ADGRD1: variants seen among roughly 807,000 people sequenced by gnomAD.
The protein encoded by ADGRD1 is adhesion G protein-coupled receptor D1.
ADGRD1 carries 77 observed loss-of-function variants against 113.4 expected under a neutral mutation model. The ratio of observed to expected loss-of-function variants is 0.68; its 90% confidence interval spans 0.57 to 0.82. The LOEUF (loss-of-function observed/expected upper bound fraction) is 0.82, where lower values mean the gene tolerates loss of function less well. ADGRD1 is among the 40% of genes least tolerant of loss of function. The pLI, the probability that ADGRD1 is intolerant of heterozygous loss-of-function variation, is 0.00. For missense variants in ADGRD1, 1,036 were observed against 1,139.1 expected (o/e 0.91, Z 1.30); for synonymous variants, 474 against 475.0 (o/e 1.00, Z 0.03).
chr12:131,090,032 G>A (rs2137245807), intron 15 of ADGRD1, among the ~76,000 whole-genome samples: 1 of 152,326 alleles, frequency 6.6e-6, no homozygotes, highest in East Asian at 1.9e-4. Flanking sequence ...TTGTGGTAGA[G>A]GAAGGAAGGG....
At chr12:131,039,287 T>C (rs10773838) in intron 13 of ADGRD1, among the ~76,000 whole-genome samples, 82,081 of 152,016 alleles carry the variant, frequency 0.54, 23,025 homozygotes, top group Non-Finnish European at 0.61. Flanking sequence ...TCCTGGCCCC[T>C]GCAGGCTCCA....
intron 12 of ADGRD1, among the ~76,000 whole-genome samples, chr12:131,011,752 C>G (rs1877924853): frequency 6.6e-6 from 1 of 152,224 alleles, no homozygotes; most frequent in African/African-American, 2.4e-5. Context: ...CGTGGTTTTT[C>G]CAGCGCGTTT....
chr12:131,046,344 C>T (rs2137014836), intron 13 of ADGRD1, among the ~76,000 whole-genome samples: 1 of 142,398 alleles, frequency 7.0e-6, no homozygotes, highest in African/African-American at 2.8e-5. Flanking sequence ...GTGCTCCCTC[C>T]CTGGTCAGTG....
intron 7 of ADGRD1, 54 bp from the exon 8 acceptor site, chr12:130,992,179 CTGTA>C: frequency 1.5e-6 from 2 of 1,315,086 alleles, no homozygotes; most frequent in Non-Finnish European, 2.1e-6. Context: ...CATTAAACTT[CTGTA>C]TAATATTTTG....
rs1279804070 is a variant in ADGRD1, at chr12:130,971,839, G to GA, written c.310+267dup. On this transcript the variant is annotated intron_variant, in intron 4 of 24. Transcript: ENST00000261654. This position sits in a 1 kb window ranked among gnomAD's most constrained non-coding sequence, Gnocchi z 4.2. ...CAAAATACTTAATCTTGTAAAGGAT[G>GA]AAAAAAAACCTTCCTAAAAAACAGA... Among the ~76,000 whole-genome samples, 3 of 151,970 alleles carry GA rather than the reference G, an allele frequency of 2.0e-5. No homozygotes were observed. Among genetic ancestry groups the GA allele is most frequent in the Admixed American group, 1.3e-4 (2 of 15,236 alleles).
chr12:130,967,776 C>T (rs1233630368), intron 3 of ADGRD1: 1 of 152,304 alleles, frequency 6.6e-6, no homozygotes, highest in East Asian at 1.9e-4. Flanking sequence ...GCGTGGGTGC[C>T]ACGCGCTCCC....
chr12:131,001,785 C>T (rs758647806), intron 9 of ADGRD1, among the ~76,000 whole-genome samples: 15 of 152,164 alleles, frequency 9.9e-5, no homozygotes, highest in Non-Finnish European at 2.2e-4. Flanking sequence ...GAGGAGGACT[C>T]TTAACTGCCT....
Position 130,971,499 on chromosome 12 carries a change from G to A in ADGRD1, c.229G>A (p.Glu77Lys), listed in dbSNP as rs1206978275. The A allele has an allele frequency of 1.2e-6, 2 of 1,613,676 alleles. No homozygotes were observed. The highest frequency in any genetic ancestry group is 1.7e-5 in the Admixed American group (1 of 59,976). Residue 77 changes from glutamate (E) to lysine (K), a missense_variant, in exon 4 of 25, where the codon GAG becomes AAG. Coordinates refer to ENST00000261654, the MANE Select transcript of ADGRD1 (RefSeq NM_198827.5). The surrounding 1 kb of genome is among the most constrained non-coding windows in gnomAD (Gnocchi z 4.2). ...GKVNKGIYLKEEKGVTLLYYG... is the reference protein window; with the variant it reads ...GKVNKGIYLKKEKGVTLLYYG... ...GGTCAACAAAGGCATTTACCTGAAA[G>A]AGGAAAAGGGAGTCACGCTTCTCTA... is the stretch of plus-strand genomic sequence containing the variant.
chr12:130,998,565 A>G (rs1211294798), intron 8 of ADGRD1, among the ~76,000 whole-genome samples: 2 of 151,956 alleles, frequency 1.3e-5, no homozygotes, highest in Non-Finnish European at 2.9e-5. Flanking sequence ...TCTGAGTTCA[A>G]GCGATTCTCC....
chr12:130,957,969 C>T (rs1283557220), intron 2 of ADGRD1: 8 of 152,316 alleles, frequency 5.3e-5, no homozygotes, highest in Admixed American at 3.9e-4. Flanking sequence ...TTCCTCCTTC[C>T]TTCCTTTTTA....
chr12:130,966,078 T>C lies in ADGRD1; in HGVS notation c.104-385T>C, dbSNP rs1422897490. 6.6e-6 allele frequency among the ~76,000 whole-genome samples: 1 copy of C among 152,242 alleles called. No individual in the cohort carries two copies. Among genetic ancestry groups the C allele is most frequent in the African/African-American group, 2.4e-5 (1 of 41,462 alleles). On this transcript the variant is annotated intron_variant, in intron 2 of 24. Coordinates refer to ENST00000261654, the MANE Select transcript of ADGRD1 (RefSeq NM_198827.5). The surrounding 1 kb of genome is among the most constrained non-coding windows in gnomAD (Gnocchi z 4.6). ...ATGATTTTACCCTTATTTGTTTCTA[T>C]AGTGTGATTGCATTGATATTAACTC...
chr12:130,976,370 G>A (rs892177054), intron 4 of ADGRD1, among the ~76,000 whole-genome samples: 4 of 152,152 alleles, frequency 2.6e-5, no homozygotes, highest in African/African-American at 9.7e-5. Context: ...GAGCTGCCAC[G>A]ATGCTGTGGC....
chr12:131,024,772 CTGTACTCCTTTTCCT>C (rs1455581621), intron 13 of ADGRD1: 2 of 152,258 alleles, frequency 1.3e-5, no homozygotes, highest in Non-Finnish European at 2.9e-5. Flanking sequence ...TGATGCAAGA[CTGTACTCCTTTTCCT>C]TGAGGCACCA....
intron 13 of ADGRD1, among the ~76,000 whole-genome samples, chr12:131,053,641 T>A (rs1883600507): frequency 2.0e-5 from 3 of 152,154 alleles, no homozygotes; most frequent in Middle Eastern, 3.2e-3. Flanking sequence ...TCAACATGGA[T>A]AAATCTCAAG....
intron 13 of ADGRD1, among the ~76,000 whole-genome samples, chr12:131,043,741 G>C (rs1365685085): frequency 6.6e-6 from 1 of 152,234 alleles, no homozygotes; most frequent in Non-Finnish European, 1.5e-5. Context: ...CTGGGGAACG[G>C]GCTCGTGCGG....
At position 131,108,854 on chromosome 12, in the gene ADGRD1, G is replaced by A. The variant is rs141128784; in HGVS notation, c.2018G>A (p.Arg673His). The A allele has an allele frequency of 5.8e-5, 83 of 1,432,852 alleles. No individual in the cohort carries two copies. The African/African-American group carries it at 9.0e-4, about 16-fold the overall frequency. The allele number at this position is 1,432,852 out of a possible 1,614,324, so 88.8% of individuals were successfully genotyped here. A position where few individuals can be genotyped will look rare whatever the true frequency, so the allele number is the denominator to read the frequency against. The change falls in exon 18 of 25, where the codon CGT becomes CAT. Residue 673 changes from arginine to histidine, a missense_variant. Transcript: ENST00000261654. ...TTTGGGTCGGAGGACAGCAAGCACC[G>A]TTACTACTATGGGATGGGATGGGGT... ...KVFGSEDSKH[R>H]YYYGMGWGFP...
intron 11 of ADGRD1, 51 bp from the exon 12 acceptor site, chr12:131,005,921 T>C (rs1323539978): frequency 6.9e-7 from 1 of 1,444,320 alleles, no homozygotes; most frequent in Non-Finnish European, 9.7e-7. Context: ...GTGTTTTTCC[T>C]GCCTGTGGCC....
chr12:130,996,828 G>C (rs1304540831), intron 8 of ADGRD1, among the ~76,000 whole-genome samples: 2 of 113,920 alleles, frequency 1.8e-5, no homozygotes, highest in African/African-American at 3.4e-5. Flanking sequence ...CTGGCCGGGC[G>C]GGGGGCTGAC....
intron 8 of ADGRD1, among the ~76,000 whole-genome samples, chr12:130,997,764 C>T (rs1875780575): frequency 1.3e-5 from 2 of 151,862 alleles, no homozygotes; most frequent in Non-Finnish European, 1.5e-5. Context: ...AGACGATGGG[C>T]GGCCAGGCAG....
Sources: allele counts gnomAD v4.1 joint callset (sites outside exome capture counted in the v4.1 genomes callset), GRCh38; gene constraint gnomAD v4.1.1; non-coding constraint Gnocchi (gnomAD v3.1); transcripts MANE v1.5; gene names NCBI Gene and HGNC (gene_info 2026-07-23, HGNC 2026-07-21).